SIMC1: variants seen among roughly 807,000 people sequenced by gnomAD.
SIMC1 encodes the protein SUMO-interacting motif-containing protein 1.
In SIMC1, 55 loss-of-function variants were observed where a neutral mutation model predicts 82.3. The observed-to-expected ratio is 0.67, with a 90% confidence interval of 0.54 to 0.84. The LOEUF is 0.84. Ranked by LOEUF, SIMC1 falls within the 40% of genes least tolerant of loss-of-function variation. SIMC1 has a pLI of 0.00. For synonymous variants in SIMC1, 353 were observed against 426.3 expected (o/e 0.83, Z 2.12); for missense variants, 915 against 1,107.2 (o/e 0.83, Z 2.46).
chr5:176,277,647 A>G (rs1284150199), intron 1 of SIMC1, among the ~76,000 whole-genome samples: 1 of 152,068 alleles, frequency 6.6e-6, no homozygotes, highest in Non-Finnish European at 1.5e-5. Flanking sequence ...GAAGGGATTC[A>G]GTTTCAGCTT....
At chr5:176,275,105 T>G (rs1366994869) in intron 1 of SIMC1, among the ~76,000 whole-genome samples, 2 of 151,706 alleles carry the variant, frequency 1.3e-5, no homozygotes. Flanking sequence ...TTCCTACCCA[T>G]GAGCATGGAA....
intron 1 of SIMC1, among the ~76,000 whole-genome samples, chr5:176,255,870 A>T (rs1761837994): frequency 1.3e-5 from 2 of 152,004 alleles, no homozygotes; most frequent in Admixed American, 1.3e-4. Flanking sequence ...GAGCTGGAGA[A>T]AAAAAGTTAC....
At chr5:176,305,145 G>A (rs867134384) in intron 4 of SIMC1, among the ~76,000 whole-genome samples, 7 of 125,208 alleles carry the variant, frequency 5.6e-5, no homozygotes, top group African/African-American at 1.1e-4. Flanking sequence ...GAGGGGGGGG[G>A]GGTCAGCCCC....
chr5:176,316,464 C>CAA (rs1764910716), intron 5 of SIMC1, among the ~76,000 whole-genome samples: 1 of 132,784 alleles, frequency 7.5e-6, no homozygotes, highest in Non-Finnish European at 1.6e-5. Flanking sequence ...GTCAGGAGTT[C>CAA]GACATGAGCC....
intron 1 of SIMC1, among the ~76,000 whole-genome samples, chr5:176,287,478 A>T (rs1373462524): frequency 6.6e-6 from 1 of 152,232 alleles, no homozygotes; most frequent in Middle Eastern, 3.4e-3. Flanking sequence ...CGGGGCCTGT[A>T]GTGGGGTGGG....
Position 176,305,502 on chromosome 5 carries a change from C to G in SIMC1, c.1735-8189C>G, listed in dbSNP as rs1391185936. Among the ~76,000 whole-genome samples, 337 of 123,360 alleles carry G rather than the reference C, an allele frequency of 2.7e-3. 3 individuals carry two copies. Among genetic ancestry groups the G allele is most frequent in the African/African-American group, 0.01 (314 of 31,232 alleles). 80.9% of individuals were successfully genotyped at this position (123,360 alleles called of 152,430 possible). A position where few individuals can be genotyped will look rare whatever the true frequency, so the allele number is the denominator to read the frequency against. The stretch of plus-strand genomic sequence containing the variant: ...CTGGGAAGTGAGGAGCCCCTCAGCC[C>G]GGCCAGCCACCCCGTCTGGGAGGGA... On this transcript the variant is annotated intron_variant, in intron 4 of 9. Transcript: ENST00000429602.
chr5:176,304,580 C>T lies in SIMC1; in HGVS notation c.1734+8260C>T, dbSNP rs1447632178. Reference sequence around the variant, plus strand: ...CGCCTGCCTTGGCCTCCCAAAGTGCCGAGATTGCAGCCTCTGCCCGGCCGC... The same window carrying T: ...CGCCTGCCTTGGCCTCCCAAAGTGCTGAGATTGCAGCCTCTGCCCGGCCGC... On this transcript the variant is annotated intron_variant, in intron 4 of 9. Transcript: ENST00000429602. 4.0e-5 allele frequency among the ~76,000 whole-genome samples: 6 copies of T among 149,128 alleles called. No homozygotes were observed. In the South Asian group the frequency reaches 8.7e-4, roughly 22 times the overall value.
intron 7 of SIMC1, among the ~76,000 whole-genome samples, chr5:176,329,259 C>G (rs1324926924): frequency 6.6e-6 from 1 of 152,124 alleles, no homozygotes; most frequent in Non-Finnish European, 1.5e-5. Context: ...ATCACGAGGT[C>G]AGGAGATCAA....
At chr5:176,276,575 C>A (rs1485394293) in intron 1 of SIMC1, among the ~76,000 whole-genome samples, 3 of 146,744 alleles carry the variant, frequency 2.0e-5, no homozygotes, top group Non-Finnish European at 4.5e-5. Flanking sequence ...TTAGGTATAT[C>A]TCCCAATGCT....
intron 5 of SIMC1, among the ~76,000 whole-genome samples, chr5:176,318,011 C>T (rs1764992973): frequency 6.6e-6 from 1 of 152,150 alleles, no homozygotes; most frequent in African/African-American, 2.4e-5. Flanking sequence ...GTTTAAATAC[C>T]TTCTAGAGGT....
intron 7 of SIMC1, among the ~76,000 whole-genome samples, chr5:176,331,884 G>A (rs1489797762): frequency 1.3e-5 from 2 of 151,726 alleles, no homozygotes; most frequent in Non-Finnish European, 2.9e-5. Context: ...CAGGAGAATC[G>A]CTTGAACCCA....
chr5:176,276,035 T>C (rs1762675953), intron 1 of SIMC1, among the ~76,000 whole-genome samples: 3 of 151,670 alleles, frequency 2.0e-5, no homozygotes, highest in Non-Finnish European at 4.4e-5. Flanking sequence ...TGGAATAGTT[T>C]CAGAAGGAAT....
intron 9 of SIMC1, among the ~76,000 whole-genome samples, chr5:176,344,592 G>T (rs1345534386): frequency 6.6e-6 from 1 of 152,206 alleles, no homozygotes; most frequent in African/African-American, 2.4e-5. Context: ...TTTGCTTCCA[G>T]TGAGGCCTCA....
chr5:176,304,803 A>G (rs1380454678), intron 4 of SIMC1, among the ~76,000 whole-genome samples: 1 of 133,562 alleles, frequency 7.5e-6, no homozygotes, highest in Non-Finnish European at 1.6e-5. Context: ...CCGGCTGCCC[A>G]TTGTCTGAGA....
chr5:176,287,081 A>G lies in SIMC1; in HGVS notation c.130-2573A>G, dbSNP rs201956298. Among the ~76,000 whole-genome samples the G allele has an allele frequency of 7.0e-4, 107 of 152,326 alleles. 3 individuals are homozygous for G. In the South Asian group the frequency reaches 0.021, roughly 30 times the overall value. On this transcript the variant is annotated intron_variant, in intron 1 of 9. Coordinates refer to ENST00000429602, the MANE Select transcript of SIMC1 (RefSeq NM_001308195.2). ...TGGAAGACAGTGTGGCGATTCCTCAAGGATCTAGAACTAGAAATACCATTT... is the reference window on the plus strand; with the variant it reads ...TGGAAGACAGTGTGGCGATTCCTCAGGGATCTAGAACTAGAAATACCATTT...
chr5:176,291,631 T>C (rs1350469052), intron 2 of SIMC1, among the ~76,000 whole-genome samples: 15 of 144,954 alleles, frequency 1.0e-4, no homozygotes, highest in African/African-American at 3.8e-4. Context: ...CCACCGCGCC[T>C]GGCACGCCCG....
chr5:176,340,865 G>A (rs990744703), intron 9 of SIMC1, among the ~76,000 whole-genome samples: 12 of 152,218 alleles, frequency 7.9e-5, no homozygotes, highest in African/African-American at 2.7e-4. Context: ...ACATTAAGTA[G>A]GCGGGGCGCA....
intron 1 of SIMC1, among the ~76,000 whole-genome samples, chr5:176,262,758 T>C (rs569059334): frequency 1.2e-4 from 19 of 152,276 alleles, no homozygotes; most frequent in Non-Finnish European, 2.2e-4. Context: ...TGAGCCGAGA[T>C]TGCACCACTG....
chr5:176,334,584 A>G (rs1246601014), intron 7 of SIMC1, among the ~76,000 whole-genome samples: 1 of 152,260 alleles, frequency 6.6e-6, no homozygotes, highest in South Asian at 2.1e-4. Context: ...ACATGTGCCA[A>G]CAGGTTCCCT....
Sources: gnomAD v4.1 joint callset for allele counts (sites outside exome capture counted in the v4.1 genomes callset) on GRCh38, gnomAD v4.1.1 for gene constraint, MANE v1.5 for transcripts, NCBI Gene and HGNC (gene_info 2026-07-23, HGNC 2026-07-21) for gene names.